The following SPRYD3 variants were observed in gnomAD, a reference collection of about 807,000 sequenced individuals.
SPRYD3 encodes the protein SPRY domain containing 3.
In SPRYD3, 17 loss-of-function variants were observed where a neutral mutation model predicts 50.1. The ratio of observed to expected loss-of-function variants is 0.34; its 90% confidence interval spans 0.23 to 0.51. The LOEUF (loss-of-function observed/expected upper bound fraction) is 0.51, where lower values mean the gene tolerates loss of function less well. Ranked by LOEUF, SPRYD3 falls within the 20% of genes least tolerant of loss-of-function variation. The probability of loss-of-function intolerance (pLI) is 0.97; values close to 1 mark genes in which losing one functional copy is unlikely to be tolerated. For synonymous variants in SPRYD3, 198 were observed against 215.5 expected (o/e 0.92, Z 0.71); for missense variants, 401 against 591.2 (o/e 0.68, Z 3.34).
chr12:53,072,514 C>G (rs1397909081), intron 6 of SPRYD3, among the ~76,000 whole-genome samples: 3 of 152,188 alleles, frequency 2.0e-5, no homozygotes, highest in Non-Finnish European at 4.4e-5. Context: ...CTGAGCAGCC[C>G]ACTAGAGGTC....
Position 53,073,553 on chromosome 12 carries a change from T to A in SPRYD3, c.508-82A>T. ...AATTCTCACAAGGGTACTTTTAAGA[T>A]GATGCAACCAGCCGGGCGTGGTGGC... On this transcript the variant is annotated intron_variant, in intron 5 of 10. Transcript: ENST00000301463. The A allele has an allele frequency of 2.5e-6, 3 of 1,205,896 alleles. No homozygotes were observed. In the East Asian group the frequency reaches 7.9e-5, roughly 32 times the overall value. The allele number at this position is 1,205,896 out of a possible 1,614,324, so 74.7% of individuals were successfully genotyped here.
At chr12:53,072,224 C>T (rs1944554909) in intron 6 of SPRYD3, among the ~76,000 whole-genome samples, 1 of 152,106 alleles carries the variant, frequency 6.6e-6, no homozygotes, top group Admixed American at 6.5e-5. Context: ...GCATCTGAGG[C>T]CTCTTAGCTC....
At chr12:53,070,263 T>C (rs1944540018) in intron 6 of SPRYD3, among the ~76,000 whole-genome samples, 1 of 152,062 alleles carries the variant, frequency 6.6e-6, no homozygotes, top group South Asian at 2.1e-4. Context: ...ATCATAAACC[T>C]CCTGATCCAC....
intron 3 of SPRYD3, 129 bp from the exon 4 acceptor site, chr12:53,075,348 A>G: frequency 1.0e-6 from 1 of 965,196 alleles, no homozygotes; most frequent in Non-Finnish European, 1.5e-6. Context: ...GGGAATCAGG[A>G]AAAAAGATAA....
rs776351765 is a variant in SPRYD3, at chr12:53,065,809, G to T, written c.*23C>A. 1 of 1,601,790 alleles carries T rather than the reference G, an allele frequency of 6.2e-7. No individual in the cohort carries two copies. The highest frequency in any genetic ancestry group is 1.1e-5 in the South Asian group (1 of 90,446). On this transcript the variant is annotated 3_prime_UTR_variant, in exon 11 of 11. Transcript: ENST00000301463. ...CCCAGCAGAGGGTGAGCAGGGAGAA[G>T]GAGCAGGTCTGGAGGGGAGGCCCTA...
At chr12:53,067,557 A>G (rs1399771058) in intron 8 of SPRYD3, 91 bp downstream of exon 8, 2 of 1,285,198 alleles carry the variant, frequency 1.6e-6, no homozygotes, top group African/African-American at 1.5e-5. Flanking sequence ...CAGCAAGGCC[A>G]TTTGTGAGGG....
intron 6 of SPRYD3, among the ~76,000 whole-genome samples, chr12:53,072,607 C>T (rs1316838041): frequency 8.5e-5 from 13 of 152,328 alleles, no homozygotes; most frequent in African/African-American, 2.6e-4. Context: ...TTTCCTTTCT[C>T]AAGGTTCATG....
At chr12:53,075,251 G>C in intron 3 of SPRYD3, 32 bp from the exon 4 acceptor site, 1 of 1,584,314 alleles carries the variant, frequency 6.3e-7, no homozygotes, top group Admixed American at 1.7e-5. Context: ...ACAGTCAGCA[G>C]GGCTGGGAAA....
intron 6 of SPRYD3, 179 bp downstream of exon 6, chr12:53,073,107 A>G: frequency 2.0e-6 from 1 of 510,490 alleles, no homozygotes. Flanking sequence ...CATGTGCTAA[A>G]GAAAACACAG....
In SPRYD3 at chr12:53,075,903, C is replaced by G. The variant is rs1000385419; in HGVS notation, c.171-92G>C. On this transcript the variant is annotated intron_variant, in intron 2 of 10. Transcript: ENST00000301463. ...TTCTCCCACCCTTACCCTGCAAGGG[C>G]CAGCACACAGGAGAATCCATCAGGC... 3 of 958,494 alleles carry G rather than the reference C, an allele frequency of 3.1e-6. No homozygotes were observed. In the African/African-American group the frequency reaches 4.8e-5, roughly 15 times the overall value. 59.4% of individuals were successfully genotyped at this position (958,494 alleles called of 1,614,324 possible). A position where few individuals can be genotyped will look rare whatever the true frequency, so the allele number is the denominator to read the frequency against.
In SPRYD3 at chr12:53,065,882, G is replaced by C; in HGVS notation, c.1279C>G (p.Leu427Val). Residue 427 changes from leucine to valine, a missense_variant, in exon 11 of 11, where the codon CTG becomes GTG. Leu to Val is a conservative substitution (Grantham distance 32). Transcript: ENST00000301463. ...SGGFFPTIGM[L>V]SCGEKVKVDL... is the part of the protein sequence containing the mutation. ...ACTTTGACTTTCTCCCCGCAGCTCA[G>C]CATTCCAATGGTGGGGAAGAAGCCT... 1 of 1,613,980 alleles carries C rather than the reference G, an allele frequency of 6.2e-7. No homozygotes were observed. Among genetic ancestry groups the C allele is most frequent in the Non-Finnish European group, 8.5e-7 (1 of 1,179,892 alleles).
chr12:53,069,403 T>C (rs1944533242), intron 6 of SPRYD3, among the ~76,000 whole-genome samples: 1 of 152,138 alleles, frequency 6.6e-6, no homozygotes, highest in South Asian at 2.1e-4. Context: ...GGAAAGGAAT[T>C]ATGCCCACCT....
chr12:53,078,615 C>G (rs1052005358), intron 1 of SPRYD3, among the ~76,000 whole-genome samples: 2 of 152,106 alleles, frequency 1.3e-5, no homozygotes, highest in Admixed American at 1.3e-4. Context: ...CAGCAGTTCA[C>G]ATGAGAAATG....
At position 53,066,338 on chromosome 12, in the gene SPRYD3, C is replaced by T. The variant is rs138980607; in HGVS notation, c.1170G>A (p.Pro390=). The T allele has an allele frequency of 1.7e-5, 28 of 1,613,934 alleles. No individual in the cohort carries two copies. In the East Asian group the frequency reaches 3.6e-4, roughly 21 times the overall value. The change falls in exon 10 of 11, where the codon CCG becomes CCA. Residue 390 remains proline (P), a synonymous_variant. Transcript: ENST00000301463. The part of the protein sequence containing the change: ...EEEEDGEEIE[P]EHEGRKVVVF... ...CCACCACCTTCCTGCCCTCATGCTC[C>T]GGCTCTATCTCTTCCCCATCCTCTT...
intron 6 of SPRYD3, among the ~76,000 whole-genome samples, chr12:53,068,528 C>T (rs970628166): frequency 7.2e-5 from 11 of 152,192 alleles, no homozygotes; most frequent in South Asian, 2.1e-4. Context: ...TGAATGCCCA[C>T]GCTGTCTTCC....
intron 1 of SPRYD3, among the ~76,000 whole-genome samples, 182 bp from the exon 2 acceptor site, chr12:53,077,443 T>TTTC (rs1944597695): frequency 6.6e-6 from 1 of 152,240 alleles, no homozygotes; most frequent in African/African-American, 2.4e-5. Flanking sequence ...TCTGTGTGCT[T>TTTC]TTCTCCGTGC....
intron 8 of SPRYD3, among the ~76,000 whole-genome samples, chr12:53,066,965 C>G (rs1028958853): frequency 6.6e-6 from 1 of 152,152 alleles, no homozygotes; most frequent in Non-Finnish European, 1.5e-5. Flanking sequence ...CAAAAATTAG[C>G]TGGGCGTGGT....
At chr12:53,073,257 C>CCCCGGGGGGGGGGGG in intron 6 of SPRYD3, 29 bp downstream of exon 6, 3 of 363,996 alleles carry the variant, frequency 8.2e-6, no homozygotes, top group Non-Finnish European at 1.0e-5. Flanking sequence ...TCCGACCCAG[C>CCCCGGGGGGGGGGGG]CCCTCCCACC....
intron 8 of SPRYD3, among the ~76,000 whole-genome samples, chr12:53,067,370 A>G (rs140398096): frequency 2.0e-5 from 3 of 152,234 alleles, no homozygotes; most frequent in African/African-American, 7.2e-5. Flanking sequence ...AAATGAGGAA[A>G]TGAGGGTCTG....
Sources: allele counts gnomAD v4.1 joint callset (sites outside exome capture counted in the v4.1 genomes callset), GRCh38; gene constraint gnomAD v4.1.1; transcripts MANE v1.5; gene names NCBI Gene and HGNC (gene_info 2026-07-23, HGNC 2026-07-21).